The following RAC1 variants were observed in gnomAD, a reference collection of about 807,000 sequenced individuals.
RAC1 encodes the protein Rac family small GTPase 1, also known as ras-related C3 botulinum toxin substrate 1.
Under a neutral mutation model 25.2 loss-of-function variants are expected in RAC1, and 2 were observed. That is an observed-to-expected ratio of 0.08 (90% CI 0.03 to 0.25). The LOEUF (loss-of-function observed/expected upper bound fraction) is 0.25. Ranked by LOEUF, RAC1 falls within the 10% of genes least tolerant of loss-of-function variation. RAC1 has a pLI of 1.00. For synonymous variants in RAC1, 88 were observed against 94.0 expected, an observed-to-expected ratio of 0.94 and a Z score of 0.37; for missense variants, 50 against 235.7, an observed-to-expected ratio of 0.21 and a Z score of 5.16.
intron 1 of RAC1, among the ~76,000 whole-genome samples, chr7:6,377,263 T>A (rs1017009711): frequency 6.6e-6 from 1 of 152,080 alleles, no homozygotes; most frequent in Admixed American, 6.6e-5. Context: ...ATACTATGTT[T>A]AGTATTGATG....
At chr7:6,383,137 A>G (rs1013772119) in intron 1 of RAC1, among the ~76,000 whole-genome samples, 1 of 152,214 alleles carries the variant, frequency 6.6e-6, no homozygotes, top group Non-Finnish European at 1.5e-5. Flanking sequence ...TAGAAATTCC[A>G]AAGAAGTAGT....
chr7:6,387,722 T>C (rs534556971), intron 2 of RAC1, among the ~76,000 whole-genome samples: 5 of 149,114 alleles, frequency 3.4e-5, no homozygotes, highest in African/African-American at 1.3e-4. Flanking sequence ...CGAAACTCCA[T>C]CTCAAAAGAA....
rs949459167 is a variant in RAC1 at position 6,392,095 on chromosome 7, C to G, written c.225+54C>G. On this transcript the variant is annotated intron_variant, in intron 3 of 5. Transcript: ENST00000348035. The stretch of plus-strand genomic sequence containing the variant: ...TCTTTTAGAGTATATAATTCTCGAG[C>G]GCTTAATTAGTGCATGTTACCTATG... 6.2e-6 allele frequency: 10 copies of G among 1,608,398 alleles called. No individual in the cohort carries two copies. The African/African-American group carries it at 1.3e-4, about 21-fold the overall frequency.
chr7:6,378,723 A>G (rs746909015), intron 1 of RAC1, among the ~76,000 whole-genome samples: 5 of 151,852 alleles, frequency 3.3e-5, no homozygotes, highest in African/African-American at 4.8e-5. Flanking sequence ...CCTCCACCTT[A>G]CTGCTGCCCC....
intron 5 of RAC1, 64 bp downstream of exon 5, chr7:6,402,091 T>A: frequency 6.4e-6 from 10 of 1,553,800 alleles, no homozygotes; most frequent in Non-Finnish European, 8.7e-6. Flanking sequence ...GAGACTGGAG[T>A]CCAGTCTGGG....
chr7:6,392,146 G>T (rs1783108167), intron 3 of RAC1, 105 bp downstream of exon 3: 1 of 1,562,764 alleles, frequency 6.4e-7, no homozygotes, highest in East Asian at 2.3e-5. Context: ...CCATCATTTG[G>T]GTATTGAGTA....
In RAC1 at chr7:6,396,381, C is replaced by A. The variant is rs1306579740; in HGVS notation, c.226-3745C>A. Reference sequence around the variant, plus strand: ...GGAGGGGATGCTAGGAAGTGAGTACCAGAAGCACTAGACAGGGTTTTGGGA... The same window carrying A: ...GGAGGGGATGCTAGGAAGTGAGTACAAGAAGCACTAGACAGGGTTTTGGGA... On this transcript the variant is annotated intron_variant, in intron 3 of 5. Coordinates refer to ENST00000348035, the MANE Select transcript of RAC1 (RefSeq NM_006908.5). 2.0e-5 allele frequency among the ~76,000 whole-genome samples: 3 copies of A among 152,076 alleles called. No homozygotes were observed. The South Asian group carries it at 6.2e-4, about 32-fold the overall frequency.
intron 1 of RAC1, among the ~76,000 whole-genome samples, chr7:6,384,922 C>T (rs969912184): frequency 6.6e-6 from 1 of 152,140 alleles, no homozygotes; most frequent in Non-Finnish European, 1.5e-5. Context: ...CCTCGTGCCT[C>T]AGCCCCCCAA....
chr7:6,381,557 T>C (rs965384369), intron 1 of RAC1, among the ~76,000 whole-genome samples: 3 of 151,594 alleles, frequency 2.0e-5, no homozygotes, highest in African/African-American at 7.3e-5. Context: ...CACACCCAGC[T>C]AATTTCTTTT....
At chr7:6,382,097 G>C (rs1782782354) in intron 1 of RAC1, among the ~76,000 whole-genome samples, 2 of 151,838 alleles carry the variant, frequency 1.3e-5, no homozygotes, top group Admixed American at 6.6e-5. Context: ...GGCCTCAAGC[G>C]ATACTTCTGC....
At chr7:6,375,796 C>G (rs1252106776) in intron 1 of RAC1, 8 of 151,762 alleles carry the variant, frequency 5.3e-5, no homozygotes, top group Non-Finnish European at 1.5e-5. Context: ...CATGATTGTC[C>G]GTGATGGTTA....
At chr7:6,379,522 C>T (rs1293662216) in intron 1 of RAC1, among the ~76,000 whole-genome samples, 3 of 152,026 alleles carry the variant, frequency 2.0e-5, no homozygotes, top group Non-Finnish European at 4.4e-5. Flanking sequence ...ATCCACCTGC[C>T]TTAGCCTCTC....
chr7:6,375,770 T>G, intron 1 of RAC1: 1 of 152,014 alleles, frequency 6.6e-6, no homozygotes, highest in East Asian at 1.9e-4. Context: ...CCCCTGTGAC[T>G]CCAGGCATTG....
At chr7:6,383,466 T>C (rs1782830440) in intron 1 of RAC1, among the ~76,000 whole-genome samples, 1 of 151,758 alleles carries the variant, frequency 6.6e-6, no homozygotes. Flanking sequence ...AATCATATTC[T>C]TATAAGACAT....
chr7:6,382,859 C>G (rs78833408), intron 1 of RAC1, among the ~76,000 whole-genome samples: 3,364 of 152,246 alleles, frequency 0.022, 53 homozygotes, highest in South Asian at 0.052. Flanking sequence ...GAAGACAGAG[C>G]CAAGACTCCG....
chr7:6,400,269 AG>A lies in RAC1; in HGVS notation c.288+83del, dbSNP rs1246523810. ...AATACTTTAAAATATCACTTAGCCTAGGAATTTTTAGTTATTTAAATTGGTT... is the reference window on the plus strand; with the variant it reads ...AATACTTTAAAATATCACTTAGCCTAGAATTTTTAGTTATTTAAATTGGTT... On this transcript the variant is annotated intron_variant, in intron 4 of 5. Transcript: ENST00000348035. 9 of 1,330,190 alleles carry A rather than the reference AG, an allele frequency of 6.8e-6. No individual in the cohort carries two copies. In the East Asian group the frequency reaches 2.1e-4, roughly 31 times the overall value. 82.4% of individuals were successfully genotyped at this position (1,330,190 alleles called of 1,614,324 possible).
chr7:6,384,015 G>A (rs1181865946), intron 1 of RAC1, among the ~76,000 whole-genome samples: 1 of 151,464 alleles, frequency 6.6e-6, no homozygotes, highest in Non-Finnish European at 1.5e-5. Context: ...GGCTCTTCTC[G>A]AATTCCTGAC....
chr7:6,403,535 A>G lies in RAC1; in HGVS notation c.*1089A>G, dbSNP rs1033936578. 2 of 219,650 alleles carry G rather than the reference A, an allele frequency of 9.1e-6. No individual in the cohort carries two copies. The highest frequency in any genetic ancestry group is 5.8e-5 in the Admixed American group (1 of 17,312). 13.6% of individuals were successfully genotyped at this position (219,650 alleles called of 1,614,324 possible). A position where few individuals can be genotyped will look rare whatever the true frequency, so the allele number is the denominator to read the frequency against. On this transcript the variant is annotated 3_prime_UTR_variant, in exon 6 of 6. Transcript: ENST00000348035. ...TTCCATGTTACTTTATTCAGAGCTA[A>G]TAAGTGCTTTCCTTAGTTTTCTAGT...
intron 1 of RAC1, among the ~76,000 whole-genome samples, chr7:6,380,172 G>A (rs577054214): frequency 2.6e-5 from 4 of 152,214 alleles, no homozygotes; most frequent in South Asian, 4.2e-4. Flanking sequence ...CGGTGGTGGC[G>A]TGAACCATGA....
Sources: allele counts gnomAD v4.1 joint callset (sites outside exome capture counted in the v4.1 genomes callset), GRCh38; gene constraint gnomAD v4.1.1; transcripts MANE v1.5; gene names NCBI Gene and HGNC (gene_info 2026-07-23, HGNC 2026-07-21).